ZBTB38: variants seen among roughly 807,000 people sequenced by gnomAD.
ZBTB38 encodes the protein zinc finger and BTB domain containing 38.
ZBTB38 carries 20 observed loss-of-function variants against 76.8 expected under a neutral mutation model. The ratio of observed to expected loss-of-function variants is 0.26; its 90% CI spans 0.18 to 0.38. The LOEUF is 0.38. Among genes scored for constraint, ZBTB38 ranks in the 10% least tolerant of loss-of-function variants. The probability of loss-of-function intolerance (pLI) is 1.00; values close to 1 mark genes in which losing one functional copy is unlikely to be tolerated. For missense variants in ZBTB38, 1,082 were observed against 1,482.3 expected (o/e 0.73, Z 4.43); for synonymous variants, 504 against 544.2 (o/e 0.93, Z 1.03).
At chr3:141,401,743 C>T (rs1952033416) in intron 4 of ZBTB38, among the ~76,000 whole-genome samples, 1 of 152,024 alleles carries the variant, frequency 6.6e-6, no homozygotes, top group Admixed American at 6.5e-5. Context: ...TGTGGCAGGC[C>T]CTCTCTGAAT....
intron 2 of ZBTB38, among the ~76,000 whole-genome samples, chr3:141,375,824 G>A (rs912663810): frequency 2.6e-5 from 4 of 152,254 alleles, no homozygotes; most frequent in African/African-American, 9.6e-5. Context: ...TCACAGTCAG[G>A]GGAGGTACCT....
intron 5 of ZBTB38, among the ~76,000 whole-genome samples, chr3:141,439,818 TTAAAA>T (rs1409340894): frequency 6.6e-6 from 1 of 152,178 alleles, no homozygotes; most frequent in Non-Finnish European, 1.5e-5. Context: ...TGATAAAGAA[TTAAAA>T]TAACATGTGG....
At chr3:141,374,533 C>A (rs1945083427) in intron 2 of ZBTB38, among the ~76,000 whole-genome samples, 1 of 152,044 alleles carries the variant, frequency 6.6e-6, no homozygotes, top group African/African-American at 2.4e-5. Flanking sequence ...TCATCTTTGT[C>A]CAAAAGAGCA....
intron 1 of ZBTB38, among the ~76,000 whole-genome samples, chr3:141,362,734 AGCTATGGGGTGTAAGAG>A (rs1943856537): frequency 6.6e-6 from 1 of 152,148 alleles, no homozygotes. Context: ...GGGAGGCAGA[AGCTATGGGGTGTAAGAG>A]GCTTGGATAG....
chr3:141,346,782 T>TTTTTTTTGTGTGTGTG (rs150173767), intron 1 of ZBTB38, among the ~76,000 whole-genome samples: 23 of 144,560 alleles, frequency 1.6e-4, no homozygotes, highest in Non-Finnish European at 3.0e-4. Context: ...TTGTTTTGTT[T>TTTTTTTTGTGTGTGTG]TGTGTGTGTG....
intron 1 of ZBTB38, among the ~76,000 whole-genome samples, chr3:141,327,772 G>A (rs1470206069): frequency 6.6e-6 from 1 of 152,174 alleles, no homozygotes; most frequent in Non-Finnish European, 1.5e-5. Context: ...ACTGGGTAAT[G>A]GGTATATGGG....
At chr3:141,340,946 G>GACGGA (rs1943165117) in intron 1 of ZBTB38, among the ~76,000 whole-genome samples, 1 of 42,974 alleles carries the variant, frequency 2.3e-5, no homozygotes, top group South Asian at 5.1e-4. Context: ...AGAAAAGAAA[G>GACGGA]AAGGAAAGAA....
Position 141,442,865 on chromosome 3 carries a change from TAATGGGCCAAGGATCACA to T in ZBTB38, c.482_499del (p.Gly161_Asn166del). On this transcript the variant is annotated inframe_deletion, in exon 6 of 6. Transcript: ENST00000321464. This position sits in a 1 kb window ranked among gnomAD's most constrained non-coding sequence, Gnocchi z 6.4. ...AAAGGCATGAAGAACCAGCCATCACTAATGGGCCAAGGATCACAAATGCATTTTCCATCATCGAAACAG... is the reference window on the plus strand; with the variant it reads ...AAAGGCATGAAGAACCAGCCATCACTAATGCATTTTCCATCATCGAAACAG... The T allele has an allele frequency of 6.2e-7, 1 of 1,614,230 alleles. No individual in the cohort carries two copies.
intron 1 of ZBTB38, among the ~76,000 whole-genome samples, chr3:141,335,535 A>G (rs908974965): frequency 1.3e-5 from 2 of 152,198 alleles, no homozygotes; most frequent in African/African-American, 4.8e-5. Flanking sequence ...GATAACCTAC[A>G]AGATCTGGAC....
At chr3:141,387,993 G>A (rs1947619097) in intron 4 of ZBTB38, 1 of 152,236 alleles carries the variant, frequency 6.6e-6, no homozygotes, top group African/African-American at 2.4e-5. Flanking sequence ...AAATAAGACA[G>A]CTGTAATCTT....
chr3:141,441,777 G>A lies in ZBTB38; in HGVS notation c.1-612G>A, dbSNP rs186899479. Among the ~76,000 whole-genome samples, 510 of 152,212 alleles carry A rather than the reference G, an allele frequency of 3.4e-3. 2 individuals carry two copies. Among genetic ancestry groups the A allele is most frequent in the African/African-American group, 0.012 (481 of 41,552 alleles). On this transcript the variant is annotated intron_variant, in intron 5 of 5. Transcript: ENST00000321464. Reference sequence around the variant, plus strand: ...CCAACAATACAAAAATTAGCCGGGCGTGGTGGCTCTCACCTGTGGTCCCAG... The same window carrying A: ...CCAACAATACAAAAATTAGCCGGGCATGGTGGCTCTCACCTGTGGTCCCAG...
intron 5 of ZBTB38, among the ~76,000 whole-genome samples, chr3:141,438,749 G>T (rs1445773703): frequency 1.3e-5 from 2 of 151,982 alleles, no homozygotes; most frequent in Non-Finnish European, 2.9e-5. Context: ...CCTATTCCCT[G>T]CAATATAAAA....
intron 2 of ZBTB38, among the ~76,000 whole-genome samples, chr3:141,377,824 C>T (rs1329470183): frequency 6.6e-6 from 1 of 152,190 alleles, no homozygotes; most frequent in African/African-American, 2.4e-5. Flanking sequence ...GGGCATTATG[C>T]TGAAAGCCAA....
At chr3:141,439,200 C>T (rs2079538767) in intron 5 of ZBTB38, among the ~76,000 whole-genome samples, 1 of 152,152 alleles carries the variant, frequency 6.6e-6, no homozygotes, top group Non-Finnish European at 1.5e-5. Context: ...GACTTGCCTT[C>T]CTCCTGTTCA....
In ZBTB38 at chr3:141,447,780, C is replaced by T. The variant is rs944760765; in HGVS notation, c.*1804C>T. On this transcript the variant is annotated 3_prime_UTR_variant, in exon 6 of 6. Coordinates refer to ENST00000321464, the MANE Select transcript of ZBTB38 (RefSeq NM_001376113.1). The stretch of plus-strand genomic sequence containing the variant: ...GTGGGTAAGAAAGCATTTAAACGCC[C>T]AGGAAAGGACATGATTAAAGTTGAC... 2 of 152,290 alleles carry T rather than the reference C, an allele frequency of 1.3e-5. No individual in the cohort carries two copies. Among genetic ancestry groups the T allele is most frequent in the African/African-American group, 4.8e-5 (2 of 41,436 alleles). The allele number at this position is 152,290 out of a possible 1,614,324, so 9.4% of individuals were successfully genotyped here.
intron 1 of ZBTB38, among the ~76,000 whole-genome samples, chr3:141,344,400 G>T (rs559219833): frequency 6.6e-6 from 1 of 152,196 alleles, no homozygotes; most frequent in African/African-American, 2.4e-5. Flanking sequence ...ACATGGTCTT[G>T]CTCTGTCACC....
rs897666972 is a variant in ZBTB38, at chr3:141,420,921, G to T, written c.-1+16890G>T. ...AATTAAGTTTAACCAGAATAAATAA[G>T]GGAAATTTTGAGTTTCAGTTAAAAA... On this transcript the variant is annotated intron_variant, in intron 5 of 5. Coordinates refer to ENST00000321464, the MANE Select transcript of ZBTB38 (RefSeq NM_001376113.1). Among the ~76,000 whole-genome samples the T allele has an allele frequency of 2.0e-5, 3 of 150,864 alleles. No homozygotes were observed. In the East Asian group the frequency reaches 5.8e-4, roughly 29 times the overall value.
chr3:141,396,332 T>A (rs1263197465), intron 4 of ZBTB38: 1 of 153,576 alleles, frequency 6.5e-6, no homozygotes, highest in Non-Finnish European at 1.4e-5. Flanking sequence ...AAGAAGCAAC[T>A]CCTCATCTGA....
chr3:141,426,084 T>C, intron 5 of ZBTB38: 1 of 1,225,414 alleles, frequency 8.2e-7, no homozygotes. Context: ...ATTGTTGCAT[T>C]TGTTTGGAGT....
Sources: allele counts gnomAD v4.1 joint callset (sites outside exome capture counted in the v4.1 genomes callset), GRCh38; gene constraint gnomAD v4.1.1; non-coding constraint Gnocchi (gnomAD v3.1); transcripts MANE v1.5; gene names NCBI Gene and HGNC (gene_info 2026-07-23, HGNC 2026-07-21).